ZSWIM6: variants seen among roughly 807,000 people sequenced by gnomAD.
ZSWIM6 encodes zinc finger SWIM domain-containing protein 6.
Under a neutral mutation model 113.2 loss-of-function variants are expected in ZSWIM6, and 9 were observed. That is an observed-to-expected ratio of 0.08 (90% CI 0.05 to 0.14). ZSWIM6 has a LOEUF of 0.14. Ranked by LOEUF, ZSWIM6 falls within the 10% of genes least tolerant of loss-of-function variation. The probability of loss-of-function intolerance (pLI) is 1.00; values close to 1 mark genes in which losing one functional copy is unlikely to be tolerated. For missense variants in ZSWIM6, 1,162 were observed against 1,552.2 expected (o/e 0.75, Z 4.22); for synonymous variants, 611 against 606.5 (o/e 1.01, Z -0.11).
At position 61,332,713 on chromosome 5, in the gene ZSWIM6, GGGCGGCGGCGGC is replaced by G. The variant is rs864309616; in HGVS notation, c.451_462del (p.Gly151_Gly154del). 2.2e-6 allele frequency: 2 copies of G among 928,498 alleles called. No homozygotes were observed. The highest frequency in any genetic ancestry group is 1.9e-5 in the African/African-American group (1 of 52,420). 57.5% of individuals were successfully genotyped at this position (928,498 alleles called of 1,614,324 possible). A position where few individuals can be genotyped will look rare whatever the true frequency, so the allele number is the denominator to read the frequency against. On this transcript the variant is annotated inframe_deletion, in exon 1 of 14. Transcript: ENST00000252744. ...ACGACAGCGGTGGCGGCGGCGGCGC[GGGCGGCGGCGGC>G]GGCGGCGGCTCCTCGTCTTCCCCGG...
chr5:61,438,236 C>T (rs1055253528), intron 1 of ZSWIM6, among the ~76,000 whole-genome samples: 5 of 151,980 alleles, frequency 3.3e-5, no homozygotes, highest in African/African-American at 1.2e-4. Flanking sequence ...TAGTCATGTT[C>T]GAAATATGAC....
chr5:61,424,853 G>A (rs1746432229), intron 1 of ZSWIM6, among the ~76,000 whole-genome samples: 1 of 151,016 alleles, frequency 6.6e-6, no homozygotes, highest in East Asian at 2.0e-4. Flanking sequence ...TCAGCCTCCT[G>A]GATAGCTGGG....
intron 4 of ZSWIM6, among the ~76,000 whole-genome samples, chr5:61,518,949 T>C (rs1749037331): frequency 6.6e-6 from 1 of 151,970 alleles, no homozygotes; most frequent in African/African-American, 2.4e-5. Context: ...TTAATCCATC[T>C]TGAATTGATT....
At position 61,545,080 on chromosome 5, in the gene ZSWIM6, C is replaced by A. The variant is rs201261810; in HGVS notation, c.*763C>A. On this transcript the variant is annotated 3_prime_UTR_variant, in exon 14 of 14. Coordinates refer to ENST00000252744, the MANE Select transcript of ZSWIM6 (RefSeq NM_020928.2). ...GCAGTAGCTTGGTTTTAAACAAAAA[C>A]AAAAAAAAAACTGAGAGAAAACCTA... 3.3e-4 allele frequency: 49 copies of A among 148,696 alleles called. No homozygotes were observed. The highest frequency in any genetic ancestry group is 3.5e-3 in the Middle Eastern group (1 of 288). The allele number at this position is 148,696 out of a possible 1,614,324, so 9.2% of individuals were successfully genotyped here.
intron 1 of ZSWIM6, among the ~76,000 whole-genome samples, chr5:61,414,542 C>T (rs989981181): frequency 1.3e-5 from 2 of 152,084 alleles, no homozygotes; most frequent in African/African-American, 4.8e-5. Flanking sequence ...ATTTCCTGTG[C>T]CAACTATAAA....
chr5:61,445,179 G>A (rs185791553), intron 1 of ZSWIM6, among the ~76,000 whole-genome samples: 11 of 152,238 alleles, frequency 7.2e-5, no homozygotes, highest in African/African-American at 2.4e-4. Context: ...AATGTGATAG[G>A]TCCTGTGCCA....
intron 1 of ZSWIM6, among the ~76,000 whole-genome samples, chr5:61,454,408 A>G (rs1345295074): frequency 6.6e-6 from 1 of 151,778 alleles, no homozygotes. Context: ...GGCACATGCC[A>G]TCACACCCAA....
chr5:61,487,458 C>T (rs114719484), intron 2 of ZSWIM6, among the ~76,000 whole-genome samples: 13 of 151,866 alleles, frequency 8.6e-5, no homozygotes, highest in South Asian at 2.1e-4. Context: ...ATAAAGATTG[C>T]GTTGAATCTG....
chr5:61,442,901 C>T (rs746901171), intron 1 of ZSWIM6, among the ~76,000 whole-genome samples: 1 of 152,160 alleles, frequency 6.6e-6, no homozygotes, highest in Non-Finnish European at 1.5e-5. Context: ...CAAGAAAAAA[C>T]GTTCTCCAGA....
intron 1 of ZSWIM6, among the ~76,000 whole-genome samples, chr5:61,445,362 A>G (rs1294007745): frequency 6.6e-6 from 1 of 152,214 alleles, no homozygotes; most frequent in Non-Finnish European, 1.5e-5. Flanking sequence ...ATCATCATAC[A>G]TCTCCAGGAT....
At chr5:61,414,666 A>G (rs1746211436) in intron 1 of ZSWIM6, among the ~76,000 whole-genome samples, 1 of 152,220 alleles carries the variant, frequency 6.6e-6, no homozygotes, top group African/African-American at 2.4e-5. Flanking sequence ...AAATAGTTAT[A>G]AGCCCAACAA....
chr5:61,525,705 G>C, intron 5 of ZSWIM6, 95 bp from the exon 6 acceptor site: 1 of 1,384,024 alleles, frequency 7.2e-7, no homozygotes. Flanking sequence ...ATGTGTGTGG[G>C]TGTGTTCATG....
chr5:61,494,190 T>A (rs1240231680), intron 3 of ZSWIM6, 70 bp from the exon 4 acceptor site: 5 of 1,477,066 alleles, frequency 3.4e-6, no homozygotes, highest in Non-Finnish European at 4.6e-6. Flanking sequence ...GTTTGTCTCT[T>A]GTGTTGCTGT....
At chr5:61,509,371 G>C (rs533000265) in intron 4 of ZSWIM6, among the ~76,000 whole-genome samples, 1 of 152,276 alleles carries the variant, frequency 6.6e-6, no homozygotes, top group Admixed American at 6.5e-5. Flanking sequence ...AAATGGCAGA[G>C]TGGATGGTAG....
At chr5:61,336,692 T>G (rs964461162) in intron 1 of ZSWIM6, among the ~76,000 whole-genome samples, 5 of 151,824 alleles carry the variant, frequency 3.3e-5, no homozygotes, top group African/African-American at 1.2e-4. Context: ...GAAGCGGAGG[T>G]TGCAGTGAAC....
intron 1 of ZSWIM6, chr5:61,390,619 TGGAAAATAAC>T: frequency 1.5e-6 from 1 of 685,090 alleles, no homozygotes; most frequent in East Asian, 2.9e-5. Flanking sequence ...TTTTTTCCAG[TGGAAAATAAC>T]TTTTAAGACC....
At chr5:61,370,543 C>T (rs1745243575) in intron 1 of ZSWIM6, among the ~76,000 whole-genome samples, 1 of 152,148 alleles carries the variant, frequency 6.6e-6, no homozygotes, top group African/African-American at 2.4e-5. Flanking sequence ...TTTTATTTGA[C>T]CATTGTCTTA....
At chr5:61,333,810 C>T (rs1460911943) in intron 1 of ZSWIM6, among the ~76,000 whole-genome samples, 3 of 151,994 alleles carry the variant, frequency 2.0e-5, no homozygotes, top group African/African-American at 7.2e-5. Flanking sequence ...CCTTGTGCCC[C>T]GCCGCCCGAG....
At chr5:61,391,991 C>G in intron 1 of ZSWIM6, 1 of 421,200 alleles carries the variant, frequency 2.4e-6, no homozygotes. Context: ...TGTATATTTT[C>G]CTTCAAGATT....
Sources: allele counts gnomAD v4.1 joint callset (sites outside exome capture counted in the v4.1 genomes callset), GRCh38; gene constraint gnomAD v4.1.1; transcripts MANE v1.5; gene names NCBI Gene and HGNC (gene_info 2026-07-23, HGNC 2026-07-21).